The following WNT2B variants were observed in gnomAD, a reference collection of about 807,000 sequenced individuals.
WNT2B encodes the protein Wnt family member 2B.
A neutral mutation model predicts 40.5 loss-of-function variants in WNT2B; 19 were observed. The ratio of observed to expected loss-of-function variants is 0.47; its 90% CI spans 0.33 to 0.69. The LOEUF (loss-of-function observed/expected upper bound fraction) is 0.69, where lower values mean the gene tolerates loss of function less well. WNT2B is among the 30% of genes least tolerant of loss of function. The probability of loss-of-function intolerance (pLI) is 0.02; values close to 1 mark genes in which losing one functional copy is unlikely to be tolerated. For missense variants in WNT2B, 467 were observed against 556.4 expected, an observed-to-expected ratio of 0.84 and a Z score of 1.62; for synonymous variants, 220 against 211.9, an observed-to-expected ratio of 1.04 and a Z score of -0.33.
chr1:112,480,703 G>T (rs976845026), intron 1 of WNT2B, among the ~76,000 whole-genome samples: 1 of 152,014 alleles, frequency 6.6e-6, no homozygotes, highest in African/African-American at 2.4e-5. Flanking sequence ...AAAAATAGAA[G>T]AAAAGGGAAC....
intron 1 of WNT2B, among the ~76,000 whole-genome samples, chr1:112,484,704 G>A (rs1312355571): frequency 6.7e-6 from 1 of 150,304 alleles, no homozygotes; most frequent in Non-Finnish European, 1.5e-5. Context: ...AGTTCAGGCT[G>A]CAACTCCAGC....
chr1:112,518,253 G>A (rs896662474), intron 4 of WNT2B: 1 of 152,220 alleles, frequency 6.6e-6, no homozygotes, highest in Non-Finnish European at 1.5e-5. Context: ...GTTCAGATAG[G>A]TTAAACTAGG....
Position 112,526,369 on chromosome 1 carries a change from C to T in WNT2B, c.*5860C>T. ...TTCAGATTAACATTAAAAATTTTATCTAGTCCTTTTGAAATTATGCTAAAT... is the reference window on the plus strand; with the variant it reads ...TTCAGATTAACATTAAAAATTTTATTTAGTCCTTTTGAAATTATGCTAAAT... On this transcript the variant is annotated 3_prime_UTR_variant, in exon 5 of 5. Transcript: ENST00000369684. The T allele has an allele frequency of 2.6e-6, 1 of 384,582 alleles. No individual in the cohort carries two copies. Among genetic ancestry groups the T allele is most frequent in the Admixed American group, 3.8e-5 (1 of 26,368 alleles). 23.8% of individuals were successfully genotyped at this position (384,582 alleles called of 1,614,324 possible).
At chr1:112,510,208 A>G (rs145042340) in intron 1 of WNT2B, among the ~76,000 whole-genome samples, 2 of 152,174 alleles carry the variant, frequency 1.3e-5, no homozygotes, top group Admixed American at 6.5e-5. Context: ...CAGATGAGGC[A>G]AAAAGGCATT....
At chr1:112,484,702 C>G (rs1651360029) in intron 1 of WNT2B, among the ~76,000 whole-genome samples, 1 of 150,548 alleles carries the variant, frequency 6.6e-6, no homozygotes, top group African/African-American at 2.5e-5. Context: ...GGAGTTCAGG[C>G]TGCAACTCCA....
At position 112,525,385 on chromosome 1, in the gene WNT2B, T is replaced by C. The variant is rs1286335795; in HGVS notation, c.*4876T>C. On this transcript the variant is annotated 3_prime_UTR_variant, in exon 5 of 5. Transcript: ENST00000369684. The stretch of plus-strand genomic sequence containing the variant: ...ATTTTCTTTGGGTGATTGGCAGGTA[T>C]AGGGCAATAGCCAGTGGGGTGTCAG... 1 of 152,266 alleles carries C rather than the reference T, an allele frequency of 6.6e-6. No individual in the cohort carries two copies. Among genetic ancestry groups the C allele is most frequent in the Non-Finnish European group, 1.5e-5 (1 of 68,100 alleles). 9.4% of individuals were successfully genotyped at this position (152,266 alleles called of 1,614,324 possible). A position where few individuals can be genotyped will look rare whatever the true frequency, so the allele number is the denominator to read the frequency against.
chr1:112,467,678 G>T, intron 1 of WNT2B: 1 of 709,830 alleles, frequency 1.4e-6, no homozygotes. Context: ...ACATATTTAT[G>T]GGGTATATAT....
At chr1:112,504,520 G>A (rs1339534307), upstream of WNT2B, among the ~76,000 whole-genome samples, 1 of 152,036 alleles carries the variant, frequency 6.6e-6, no homozygotes, top group East Asian at 1.9e-4. Flanking sequence ...GGAGAGGCCG[G>A]CCAGGCTGTG....
chr1:112,520,750 G>A lies in WNT2B; in HGVS notation c.*241G>A. 3.5e-6 allele frequency: 2 copies of A among 579,676 alleles called. No individual in the cohort carries two copies. The highest frequency in any genetic ancestry group is 4.5e-5 in the South Asian group (2 of 44,702). The allele number at this position is 579,676 out of a possible 1,614,324, so 35.9% of individuals were successfully genotyped here. On this transcript the variant is annotated 3_prime_UTR_variant, in exon 5 of 5. Transcript: ENST00000369684. Reference sequence around the variant, plus strand: ...GATTTCCCGCTCTGGAGATTTGAAGGGAGAGTAGAAGAGATAGGGGGTCTT... The same window carrying A: ...GATTTCCCGCTCTGGAGATTTGAAGAGAGAGTAGAAGAGATAGGGGGTCTT...
At chr1:112,513,925 G>A (rs552654334) in intron 1 of WNT2B, among the ~76,000 whole-genome samples, 33 of 152,318 alleles carry the variant, frequency 2.2e-4, no homozygotes, top group African/African-American at 7.0e-4. Context: ...GGGAAGAAGG[G>A]TGATATACTC....
In WNT2B at chr1:112,511,667, A is replaced by G. The variant is rs150467902; in HGVS notation, c.182+2223A>G. Among the ~76,000 whole-genome samples the G allele has an allele frequency of 6.1e-3, 923 of 152,262 alleles. 8 individuals carry two copies. The highest frequency in any genetic ancestry group is 0.021 in the African/African-American group (877 of 41,552). On this transcript the variant is annotated intron_variant, in intron 1 of 4. Coordinates refer to ENST00000369684, the MANE Select transcript of WNT2B (RefSeq NM_024494.3). Reference sequence around the variant, plus strand: ...TCCCTCTATCTATCCTAAACAGACCAAGAAATAGGGAGCTTCCGGCATGTG... The same window carrying G: ...TCCCTCTATCTATCCTAAACAGACCGAGAAATAGGGAGCTTCCGGCATGTG...
rs571305868 is a variant in WNT2B, at chr1:112,517,443, G to C, written c.946+58G>C. 82 of 1,548,042 alleles carry C rather than the reference G, an allele frequency of 5.3e-5. 2 individuals are homozygous for C. The South Asian group carries it at 9.4e-4, about 18-fold the overall frequency. On this transcript the variant is annotated intron_variant, in intron 4 of 4. Coordinates refer to ENST00000369684, the MANE Select transcript of WNT2B (RefSeq NM_024494.3). ...CCCAGTTCTTAGTGCAGGCACCCCT[G>C]GTTAATCATGGTCTGTTCAGTCTCA...
intron 4 of WNT2B, 53 bp downstream of exon 4, chr1:112,517,438 C>G (rs1203119210): frequency 4.5e-6 from 7 of 1,554,926 alleles, no homozygotes; most frequent in African/African-American, 2.7e-5. Context: ...AGTGCAGGCA[C>G]CCCTGGTTAA....
Position 112,514,970 on chromosome 1 carries a change from G to A in WNT2B, c.279G>A (p.Met93Ile). The change falls in exon 2 of 5, where the codon ATG (methionine) becomes ATA (isoleucine). Residue 93 changes from methionine to isoleucine, a missense_variant. This residue lies in a region of WNT2B where 330 missense variants were observed against 438.6 expected (regional missense o/e 0.75). Transcript: ENST00000369684. ...RQLCQRYPDI[M>I]RSVGEGAREW... ...TGTGCCAGCGTTACCCAGACATCAT[G>A]CGTTCAGTGGGCGAGGGTGCCCGAG... 1.9e-6 allele frequency: 3 copies of A among 1,614,200 alleles called. No homozygotes were observed. Among genetic ancestry groups the A allele is most frequent in the East Asian group, 2.2e-5 (1 of 44,870 alleles).
At chr1:112,467,777 C>T (rs1650749357) in intron 1 of WNT2B, among the ~76,000 whole-genome samples, 1 of 152,132 alleles carries the variant, frequency 6.6e-6, no homozygotes, top group Non-Finnish European at 1.5e-5. Flanking sequence ...GTATCCATCA[C>T]CTTGAGTATT....
rs1220488373 is a variant in WNT2B, at chr1:112,527,334, A to C, written c.*6825A>C. The C allele has an allele frequency of 1.3e-5, 2 of 152,490 alleles. No homozygotes were observed. The highest frequency in any genetic ancestry group is 2.9e-5 in the Non-Finnish European group (2 of 68,100). 9.4% of individuals were successfully genotyped at this position (152,490 alleles called of 1,614,324 possible). On this transcript the variant is annotated 3_prime_UTR_variant, in exon 5 of 5. Coordinates refer to ENST00000369684, the MANE Select transcript of WNT2B (RefSeq NM_024494.3). ...TCTACCTATAGTCAGGACTTCCCCA[A>C]GGCAGACTTTATTTTTTGGTCCATC...
intron 1 of WNT2B, among the ~76,000 whole-genome samples, chr1:112,493,134 T>G (rs1651651039): frequency 6.6e-6 from 1 of 152,142 alleles, no homozygotes; most frequent in Non-Finnish European, 1.5e-5. Flanking sequence ...TTAAGAGCTC[T>G]CTCTAATGGG....
upstream of WNT2B, among the ~76,000 whole-genome samples, chr1:112,504,688 TC>T (rs1652060569): frequency 6.6e-6 from 1 of 152,136 alleles, no homozygotes; most frequent in Non-Finnish European, 1.5e-5. Flanking sequence ...AAGACCTGCC[TC>T]GGTTTGCAAA....
chr1:112,489,638 C>T (rs1053071364), intron 1 of WNT2B, among the ~76,000 whole-genome samples: 1 of 152,122 alleles, frequency 6.6e-6, no homozygotes, highest in Non-Finnish European at 1.5e-5. Context: ...TCCCTTCTAC[C>T]AGTTGTCATA....
Sources: gnomAD v4.1 joint callset for allele counts (sites outside exome capture counted in the v4.1 genomes callset) on GRCh38, gnomAD v4.1.1 for gene constraint, gnomAD v4.1.1 regional missense constraint, MANE v1.5 for transcripts, NCBI Gene and HGNC (gene_info 2026-07-23, HGNC 2026-07-21) for gene names.